The following TAFA4 variants were observed in gnomAD, a reference collection of about 807,000 sequenced individuals.
TAFA4 encodes chemokine-like protein TAFA-4.
A neutral mutation model predicts 21.1 loss-of-function variants in TAFA4; 20 were observed. The ratio of observed to expected loss-of-function variants is 0.95; its 90% CI spans 0.67 to 1.38. TAFA4 has a LOEUF of 1.38. TAFA4 is among the 40% of genes most tolerant of loss of function. TAFA4 has a pLI of 0.00. For synonymous variants in TAFA4, 71 were observed against 67.4 expected (o/e 1.05, Z -0.26); for missense variants, 211 against 180.9 (o/e 1.17, Z -0.95).
intron 3 of TAFA4, among the ~76,000 whole-genome samples, chr3:68,799,990 C>A (rs115216042): frequency 1.8e-4 from 28 of 151,920 alleles, no homozygotes; most frequent in Non-Finnish European, 3.8e-4. Context: ...TCTAGGTTGC[C>A]GCTCCTTATG....
chr3:68,882,002 A>G (rs2089624161), intron 2 of TAFA4, among the ~76,000 whole-genome samples: 4 of 152,222 alleles, frequency 2.6e-5, no homozygotes, highest in South Asian at 2.1e-4. Flanking sequence ...GACCTCTCAC[A>G]ATTCCGTCAA....
At position 68,845,648 on chromosome 3, in the gene TAFA4, G is replaced by A. The variant is rs940309886; in HGVS notation, c.130+35082C>T. Among the ~76,000 whole-genome samples, 6 of 152,272 alleles carry A rather than the reference G, an allele frequency of 3.9e-5. No homozygotes were observed. The South Asian group carries it at 6.2e-4, about 16-fold the overall frequency. On this transcript the variant is annotated intron_variant, in intron 3 of 5. Transcript: ENST00000295569. ...TTACAATTTGGCATGTTTATGCAGCGGCTGGTACCAGTTTTTCCTTTCCAT... is the reference window on the plus strand; with the variant it reads ...TTACAATTTGGCATGTTTATGCAGCAGCTGGTACCAGTTTTTCCTTTCCAT...
intron 4 of TAFA4, among the ~76,000 whole-genome samples, chr3:68,743,011 AT>A (rs1287695995): frequency 2.6e-5 from 4 of 152,226 alleles, no homozygotes; most frequent in Non-Finnish European, 5.9e-5. Flanking sequence ...CAATTTCATT[AT>A]CCACTGAAGG....
chr3:68,817,003 T>C (rs1266395598), intron 3 of TAFA4, among the ~76,000 whole-genome samples: 3 of 152,182 alleles, frequency 2.0e-5, no homozygotes, highest in Non-Finnish European at 4.4e-5. Context: ...GCTGTGGCAA[T>C]TTCTTAAAGT....
chr3:68,893,841 G>T (rs1195690866), intron 1 of TAFA4, among the ~76,000 whole-genome samples: 1 of 152,080 alleles, frequency 6.6e-6, no homozygotes, highest in African/African-American at 2.4e-5. Context: ...CCCTCCTGTG[G>T]ACAAAACAAG....
chr3:68,758,396 C>A (rs1269808401), intron 3 of TAFA4, among the ~76,000 whole-genome samples: 1 of 152,180 alleles, frequency 6.6e-6, no homozygotes, highest in Non-Finnish European at 1.5e-5. Context: ...GGGCACATGT[C>A]TTTCCCATGC....
At chr3:68,911,757 GAAATA>G (rs2107005604) in intron 1 of TAFA4, among the ~76,000 whole-genome samples, 1 of 152,318 alleles carries the variant, frequency 6.6e-6, no homozygotes, top group African/African-American at 2.4e-5. Flanking sequence ...CGGTCAAACA[GAAATA>G]AAATGCCACA....
intron 3 of TAFA4, 36 bp from the exon 4 acceptor site, chr3:68,753,054 C>T: frequency 1.3e-6 from 2 of 1,596,220 alleles, no homozygotes; most frequent in Non-Finnish European, 8.6e-7. Context: ...AAACCCAGTG[C>T]TGTTAGAAGG....
chr3:68,878,400 G>A (rs924182894), intron 3 of TAFA4, among the ~76,000 whole-genome samples: 9 of 152,220 alleles, frequency 5.9e-5, no homozygotes, highest in Middle Eastern at 3.4e-3. Flanking sequence ...CCAACTACTC[G>A]TGTCTATACC....
At chr3:68,851,236 G>A (rs1704940759) in intron 3 of TAFA4, among the ~76,000 whole-genome samples, 1 of 152,242 alleles carries the variant, frequency 6.6e-6, no homozygotes. Context: ...GCAAACTGAT[G>A]CAGGAACAGA....
intron 3 of TAFA4, among the ~76,000 whole-genome samples, chr3:68,776,109 G>A (rs1575603915): frequency 6.6e-6 from 1 of 151,918 alleles, no homozygotes; most frequent in Admixed American, 6.6e-5. Flanking sequence ...GGAATGGAGG[G>A]ACATAAAAAG....
intron 3 of TAFA4, among the ~76,000 whole-genome samples, chr3:68,776,794 C>CA (rs1217429359): frequency 5.3e-5 from 8 of 151,954 alleles, no homozygotes; most frequent in South Asian, 2.1e-4. Context: ...ATTAAAATCA[C>CA]AAAAAACATG....
intron 3 of TAFA4, among the ~76,000 whole-genome samples, chr3:68,856,758 C>G (rs1705079162): frequency 6.6e-6 from 1 of 152,204 alleles, no homozygotes; most frequent in African/African-American, 2.4e-5. Flanking sequence ...TTATACCTCA[C>G]TCCTACTCAG....
chr3:68,848,706 T>C (rs1483322281), intron 3 of TAFA4, among the ~76,000 whole-genome samples: 1 of 152,206 alleles, frequency 6.6e-6, no homozygotes, highest in Non-Finnish European at 1.5e-5. Flanking sequence ...CAGTAATTTC[T>C]GTTGCCAACT....
chr3:68,929,089 G>A (rs4315691), intron 1 of TAFA4, among the ~76,000 whole-genome samples: 4,217 of 151,982 alleles, frequency 0.028, 197 homozygotes, highest in African/African-American at 0.096. Flanking sequence ...ATACCAAATA[G>A]ATGGGAAGTC....
At chr3:68,824,937 A>T (rs1704193536) in intron 3 of TAFA4, among the ~76,000 whole-genome samples, 1 of 151,946 alleles carries the variant, frequency 6.6e-6, no homozygotes, top group South Asian at 2.1e-4. Context: ...TGCTTGGTCA[A>T]CTCTCACTTA....
At chr3:68,787,325 T>A (rs924305166) in intron 3 of TAFA4, among the ~76,000 whole-genome samples, 1 of 152,152 alleles carries the variant, frequency 6.6e-6, no homozygotes, top group Non-Finnish European at 1.5e-5. Context: ...CAGCTGTTCA[T>A]CCATTAGGCT....
At chr3:68,766,649 A>T (rs2106775768) in intron 3 of TAFA4, among the ~76,000 whole-genome samples, 1 of 152,248 alleles carries the variant, frequency 6.6e-6, no homozygotes, top group East Asian at 1.9e-4. Flanking sequence ...ATGTCCCCGA[A>T]TCCTATTTCA....
chr3:68,879,722 T>G (rs1310750448), intron 3 of TAFA4, among the ~76,000 whole-genome samples: 1 of 152,184 alleles, frequency 6.6e-6, no homozygotes. Flanking sequence ...AGCCTTAAAT[T>G]ATGACTAACC....
Sources: allele counts gnomAD v4.1 joint callset (sites outside exome capture counted in the v4.1 genomes callset), GRCh38; gene constraint gnomAD v4.1.1; transcripts MANE v1.5; gene names NCBI Gene and HGNC (gene_info 2026-07-23, HGNC 2026-07-21).